The following WDFY4 variants were observed in gnomAD, a reference collection of about 807,000 sequenced individuals.
WDFY4 encodes WDFY family member 4.
In WDFY4, 169 loss-of-function variants were observed where a neutral mutation model predicts 351.9. That is an observed-to-expected ratio of 0.48 (90% CI 0.42 to 0.55). The LOEUF is 0.55. Ranked by LOEUF, WDFY4 falls within the 20% of genes least tolerant of loss-of-function variation. WDFY4 has a pLI of 0.00. For missense variants in WDFY4, 3,803 were observed against 3,935.6 expected (o/e 0.97, Z 0.90); for synonymous variants, 1,622 against 1,574.6 (o/e 1.03, Z -0.71).
At chr10:48,872,290 CA>C (rs2133279121) in intron 40 of WDFY4, among the ~76,000 whole-genome samples, 1 of 152,338 alleles carries the variant, frequency 6.6e-6, no homozygotes, top group South Asian at 2.1e-4. Flanking sequence ...AGCCCCTCAG[CA>C]AAGTAATCTA....
rs1565203151 is a variant in WDFY4, at chr10:48,790,817, C to T, written c.4157C>T (p.Thr1386Ile). The T allele has an allele frequency of 5.8e-6, 9 of 1,551,826 alleles. No individual in the cohort carries two copies. Among genetic ancestry groups the T allele is most frequent in the South Asian group, 1.2e-5 (1 of 84,064 alleles). Reference sequence around the variant, plus strand: ...CTCCTGGGCCTCATCTCCTTAGCGACAGATGACCATACCATGTATGCGGCT... The same window carrying T: ...CTCCTGGGCCTCATCTCCTTAGCGATAGATGACCATACCATGTATGCGGCT... ...AILLGLISLA[T>I]DDHTMYAAVK... The change falls in exon 23 of 62, where the codon ACA (threonine) becomes ATA (isoleucine). Residue 1386 changes from threonine to isoleucine, a missense_variant. Physicochemically the swap from Thr to Ile is moderately conservative, Grantham distance 89 (BLOSUM62 -1). Around this residue, in one of 3 missense-constraint regions of WDFY4, gnomAD observed 3,054 missense variants for 3,148.6 expected, o/e 0.97. Coordinates refer to ENST00000325239, the MANE Select transcript of WDFY4 (RefSeq NM_001394531.1).
chr10:48,778,708 C>G lies in WDFY4; in HGVS notation c.3273C>G (p.Arg1091=). Residue 1091 remains arginine, a synonymous_variant, in exon 18 of 62, where the codon CGC becomes CGG. Coordinates refer to ENST00000325239, the MANE Select transcript of WDFY4 (RefSeq NM_001394531.1). ...HGAATEGHPL[R]FLTLVRHLAR... ...CTGCCACTGAGGGCCACCCGCTGCG[C>G]TTCCTGACGTTGGTGCGCCACCTGG... 6.4e-7 allele frequency: 1 copy of G among 1,551,694 alleles called. No homozygotes were observed. The highest frequency in any genetic ancestry group is 1.2e-5 in the South Asian group (1 of 84,062).
At position 48,810,830 on chromosome 10, in the gene WDFY4, C is replaced by G. The variant is rs1589666495; in HGVS notation, c.5044+95C>G. 2.4e-6 allele frequency: 3 copies of G among 1,261,830 alleles called. No homozygotes were observed. The African/African-American group carries it at 4.6e-5, about 19-fold the overall frequency. 78.2% of individuals were successfully genotyped at this position (1,261,830 alleles called of 1,614,324 possible). ...GGCCCCTTCTTATTTGAGACCATCA[C>G]AGCTCTGTGCAGCAGGATCACCTCG... is the stretch of plus-strand genomic sequence containing the variant. On this transcript the variant is annotated intron_variant, in intron 29 of 61. Transcript: ENST00000325239.
chr10:48,938,890 G>A (rs188907743), intron 47 of WDFY4, among the ~76,000 whole-genome samples: 2 of 152,304 alleles, frequency 1.3e-5, no homozygotes, highest in East Asian at 3.9e-4. Context: ...GGGAGTGAAA[G>A]GGTTGATGTG....
At chr10:48,813,588 A>G (rs1459901836) in intron 30 of WDFY4, among the ~76,000 whole-genome samples, 1 of 152,216 alleles carries the variant, frequency 6.6e-6, no homozygotes, top group African/African-American at 2.4e-5. Context: ...CCCTAAGTTT[A>G]GAATCTCTCT....
chr10:48,963,383 A>T (rs1233568356), intron 53 of WDFY4, among the ~76,000 whole-genome samples: 2 of 152,112 alleles, frequency 1.3e-5, no homozygotes. Flanking sequence ...ACATGGCAGC[A>T]CCCACACCCA....
intron 47 of WDFY4, among the ~76,000 whole-genome samples, chr10:48,925,976 C>T (rs1217121247): frequency 6.6e-6 from 1 of 151,990 alleles, no homozygotes; most frequent in Non-Finnish European, 1.5e-5. Flanking sequence ...AGTGACTTCC[C>T]CAAAGTCACA....
chr10:48,754,007 A>T (rs948868162), intron 12 of WDFY4, among the ~76,000 whole-genome samples: 1 of 151,986 alleles, frequency 6.6e-6, no homozygotes, highest in Non-Finnish European at 1.5e-5. Context: ...GCTCTTTATG[A>T]GTCAAATCAG....
At chr10:48,696,674 C>T (rs2063340318) in intron 1 of WDFY4, among the ~76,000 whole-genome samples, 1 of 152,214 alleles carries the variant, frequency 6.6e-6, no homozygotes, top group Non-Finnish European at 1.5e-5. Flanking sequence ...GGGCTGAACC[C>T]CAAAGATGGA....
intron 43 of WDFY4, among the ~76,000 whole-genome samples, chr10:48,888,058 A>G (rs2070540181): frequency 6.6e-6 from 1 of 152,236 alleles, no homozygotes; most frequent in Non-Finnish European, 1.5e-5. Flanking sequence ...AAGCATATAA[A>G]TGTTCTTTGT....
intron 39 of WDFY4, among the ~76,000 whole-genome samples, chr10:48,843,656 T>C (rs1046105699): frequency 2.0e-5 from 3 of 152,220 alleles, no homozygotes; most frequent in African/African-American, 7.2e-5. Flanking sequence ...AATACTGGGT[T>C]GAATCCTTTT....
intron 4 of WDFY4, among the ~76,000 whole-genome samples, chr10:48,722,300 CT>C (rs1187988638): frequency 4.6e-5 from 7 of 152,184 alleles, no homozygotes; most frequent in African/African-American, 1.7e-4. Flanking sequence ...ACATGTGCCC[CT>C]GGGGGAAGGA....
chr10:48,951,659 T>C (rs1247641783), intron 51 of WDFY4, among the ~76,000 whole-genome samples: 1 of 150,000 alleles, frequency 6.7e-6, no homozygotes, highest in Non-Finnish European at 1.5e-5. Flanking sequence ...AAAGACGGGG[T>C]CTTATTATGT....
At chr10:48,787,049 A>C (rs917792138) in intron 20 of WDFY4, among the ~76,000 whole-genome samples, 179 bp downstream of exon 20, 1 of 152,248 alleles carries the variant, frequency 6.6e-6, no homozygotes, top group African/African-American at 2.4e-5. Flanking sequence ...AGAAAAGGAA[A>C]TGACAATATC....
In WDFY4 at chr10:48,859,197, C is replaced by T. The variant is rs535194825; in HGVS notation, c.6664-8068C>T. On this transcript the variant is annotated intron_variant, in intron 39 of 61. Transcript: ENST00000325239. ...ACAATTTTATTTATTTCTTTTCAAT[C>T]TGTATGGCTTTTACTTTTTTTCTTG... Among the ~76,000 whole-genome samples, 230 of 152,212 alleles carry T rather than the reference C, an allele frequency of 1.5e-3. 1 individual carries two copies. The highest frequency in any genetic ancestry group is 5.2e-3 in the African/African-American group (214 of 41,538).
chr10:48,933,546 A>G (rs940910601), intron 47 of WDFY4, among the ~76,000 whole-genome samples: 3 of 152,224 alleles, frequency 2.0e-5, no homozygotes, highest in African/African-American at 7.2e-5. Flanking sequence ...GAGCTGAGCT[A>G]GATCCTGTGG....
At chr10:48,878,042 G>C (rs886197477) in intron 43 of WDFY4, 1 of 152,262 alleles carries the variant, frequency 6.6e-6, no homozygotes, top group Non-Finnish European at 1.5e-5. Context: ...GCCACCATCT[G>C]ATAACATTCT....
intron 24 of WDFY4, among the ~76,000 whole-genome samples, chr10:48,798,329 A>C (rs529482192): frequency 2.6e-5 from 4 of 152,264 alleles, no homozygotes; most frequent in East Asian, 1.9e-4. Flanking sequence ...GGAAAAAAAA[A>C]CATACAGAGG....
At chr10:48,945,567 C>T (rs1418283432) in intron 49 of WDFY4, among the ~76,000 whole-genome samples, 1 of 152,228 alleles carries the variant, frequency 6.6e-6, no homozygotes, top group Admixed American at 6.5e-5. Context: ...TCACAGCATG[C>T]TTTCACTGCC....
Sources: gnomAD v4.1 joint callset for allele counts (sites outside exome capture counted in the v4.1 genomes callset) on GRCh38, gnomAD v4.1.1 for gene constraint, gnomAD v4.1.1 regional missense constraint, MANE v1.5 for transcripts, NCBI Gene and HGNC (gene_info 2026-07-23, HGNC 2026-07-21) for gene names.